Variants in MDGA2 observed in about 807,000 individuals in gnomAD.
MDGA2 encodes the protein MAM domain-containing glycosylphosphatidylinositol anchor protein 2.
MDGA2 carries 40 observed loss-of-function variants against 117.8 expected under a neutral mutation model. The ratio of observed to expected loss-of-function variants is 0.34; its 90% CI spans 0.26 to 0.44. The LOEUF (loss-of-function observed/expected upper bound fraction) is 0.44, where lower values mean the gene tolerates loss of function less well. MDGA2 is among the 20% of genes least tolerant of loss of function. MDGA2 has a pLI of 1.00. For synonymous variants in MDGA2, 452 were observed against 439.0 expected (o/e 1.03, Z -0.37); for missense variants, 1,123 against 1,250.6 (o/e 0.90, Z 1.54).
At chr14:47,520,561 T>G (rs116661984) in intron 1 of MDGA2, among the ~76,000 whole-genome samples, 1 of 152,122 alleles carries the variant, frequency 6.6e-6, no homozygotes, top group African/African-American at 2.4e-5. Context: ...TATTAGTCAT[T>G]TTTTTCTATG....
chr14:47,527,930 C>T (rs543945527), intron 1 of MDGA2, among the ~76,000 whole-genome samples: 1 of 152,094 alleles, frequency 6.6e-6, no homozygotes, highest in Non-Finnish European at 1.5e-5. Flanking sequence ...AGTTTTAATG[C>T]TGGAGAAACT....
intron 7 of MDGA2, among the ~76,000 whole-genome samples, chr14:47,039,810 ATGAC>A (rs753402001): frequency 6.6e-5 from 10 of 152,172 alleles, no homozygotes; most frequent in Admixed American, 2.6e-4. Context: ...AATAGCTATA[ATGAC>A]TATTATTCAG....
At chr14:47,008,260 C>A (rs1887779275) in intron 8 of MDGA2, among the ~76,000 whole-genome samples, 1 of 151,692 alleles carries the variant, frequency 6.6e-6, no homozygotes, top group Non-Finnish European at 1.5e-5. Flanking sequence ...ATGAGAAAAA[C>A]AAAAGCATAA....
At chr14:47,373,624 T>A (rs979709371) in intron 1 of MDGA2, among the ~76,000 whole-genome samples, 3 of 151,968 alleles carry the variant, frequency 2.0e-5, no homozygotes, top group African/African-American at 7.2e-5. Context: ...AGACAGTAAG[T>A]CAGGGGTTGG....
chr14:47,228,888 G>A (rs1419012320), intron 2 of MDGA2, among the ~76,000 whole-genome samples: 1 of 152,138 alleles, frequency 6.6e-6, no homozygotes, highest in African/African-American at 2.4e-5. Context: ...TAGAAACTCA[G>A]TGCCCAAGAT....
chr14:46,899,729 T>C (rs1329830959), intron 10 of MDGA2, among the ~76,000 whole-genome samples: 1 of 152,086 alleles, frequency 6.6e-6, no homozygotes, highest in African/African-American at 2.4e-5. Flanking sequence ...AAGTTGCTAG[T>C]TGGCAAAATA....
In MDGA2 at chr14:47,301,300, CACACA is replaced by C. The variant is rs1566728461; in HGVS notation, c.420+106_420+110del. 0.018 allele frequency: 6,142 copies of C among 343,722 alleles called. 279 individuals carry two copies. In the African/African-American group the frequency reaches 0.22, roughly 12 times the overall value. The allele number at this position is 343,722 out of a possible 1,614,324, so 21.3% of individuals were successfully genotyped here. On this transcript the variant is annotated intron_variant, in intron 2 of 16. Coordinates refer to ENST00000399232, the MANE Select transcript of MDGA2 (RefSeq NM_001113498.3). ...ACACACACACCCACACCCACCCACA[CACACA>C]CACACACACACACACAGTTTTAGCT...
chr14:46,849,338 A>G (rs565750596), intron 15 of MDGA2, among the ~76,000 whole-genome samples: 1 of 151,962 alleles, frequency 6.6e-6, no homozygotes, highest in Admixed American at 6.6e-5. Context: ...GATGTAGATT[A>G]TTTTTTAACA....
At chr14:47,328,860 A>G (rs926336946) in intron 1 of MDGA2, among the ~76,000 whole-genome samples, 4 of 152,104 alleles carry the variant, frequency 2.6e-5, no homozygotes, top group Non-Finnish European at 4.4e-5. Flanking sequence ...ATTGCGGAGA[A>G]TATAAGTGTT....
chr14:47,193,175 CTTTA>C (rs1173265481), intron 3 of MDGA2, among the ~76,000 whole-genome samples: 1 of 152,190 alleles, frequency 6.6e-6, no homozygotes, highest in African/African-American at 2.4e-5. Flanking sequence ...TCGAATGCAA[CTTTA>C]TTTATCCTCC....
At chr14:47,446,017 G>A (rs1893114714) in intron 1 of MDGA2, among the ~76,000 whole-genome samples, 1 of 152,148 alleles carries the variant, frequency 6.6e-6, no homozygotes, top group Non-Finnish European at 1.5e-5. Flanking sequence ...CAAGCACATA[G>A]CTTTGTAGTC....
intron 3 of MDGA2, among the ~76,000 whole-genome samples, chr14:47,182,216 T>C (rs950168546): frequency 6.6e-6 from 1 of 152,108 alleles, no homozygotes; most frequent in African/African-American, 2.4e-5. Flanking sequence ...CTTGTAATAA[T>C]CATTTCATTG....
intron 4 of MDGA2, among the ~76,000 whole-genome samples, chr14:47,142,006 T>C (rs554717362): frequency 2.0e-5 from 3 of 152,342 alleles, no homozygotes; most frequent in East Asian, 3.9e-4. Context: ...AATTACAATG[T>C]ATCAATTTTT....
intron 1 of MDGA2, among the ~76,000 whole-genome samples, chr14:47,321,921 C>T (rs1889991713): frequency 6.6e-6 from 1 of 151,870 alleles, no homozygotes; most frequent in Admixed American, 6.6e-5. Context: ...TGAGAAAGTC[C>T]CTTTCAGTTC....
At chr14:47,283,030 C>A (rs72680278) in intron 2 of MDGA2, among the ~76,000 whole-genome samples, 13,841 of 152,184 alleles carry the variant, frequency 0.091, 778 homozygotes, top group Non-Finnish European at 0.11. Context: ...CTCCAAAAAT[C>A]TCTTTAGTGA....
At chr14:46,932,034 C>T (rs1884599508) in intron 9 of MDGA2, among the ~76,000 whole-genome samples, 1 of 151,754 alleles carries the variant, frequency 6.6e-6, no homozygotes, top group South Asian at 2.1e-4. Flanking sequence ...TCGACAAATT[C>T]CAATTAAGCT....
chr14:47,248,859 A>C (rs1009593783), intron 2 of MDGA2, among the ~76,000 whole-genome samples: 3 of 152,148 alleles, frequency 2.0e-5, no homozygotes, highest in African/African-American at 7.2e-5. Flanking sequence ...CTCAGAAAAA[A>C]ATTAGTATAT....
rs552620952 is a variant in MDGA2 at position 47,205,660 on chromosome 14, T to C, written c.595+12361A>G. Among the ~76,000 whole-genome samples the C allele has an allele frequency of 3.3e-5, 5 of 152,068 alleles. No homozygotes were observed. In the South Asian group the frequency reaches 1.0e-3, roughly 32 times the overall value. The stretch of plus-strand genomic sequence containing the variant: ...AAGGATGTTTCATCCAATTTTTTCA[T>C]TTAGAAAGGAAAAAACAAGCTTAGA... On this transcript the variant is annotated intron_variant, in intron 3 of 16. Transcript: ENST00000399232.
chr14:46,868,756 T>G (rs1881877940), intron 14 of MDGA2, among the ~76,000 whole-genome samples: 1 of 152,100 alleles, frequency 6.6e-6, no homozygotes, highest in Non-Finnish European at 1.5e-5. Context: ...TGTCTCTATA[T>G]TGTCAGTTAC....
Sources: allele counts gnomAD v4.1 joint callset (sites outside exome capture counted in the v4.1 genomes callset), GRCh38; gene constraint gnomAD v4.1.1; transcripts MANE v1.5; gene names NCBI Gene and HGNC (gene_info 2026-07-23, HGNC 2026-07-21).